USP3: variants seen among roughly 807,000 people sequenced by gnomAD.
The protein encoded by USP3 is ubiquitin specific peptidase 3.
In USP3, 20 loss-of-function variants were observed where a neutral mutation model predicts 72.3. That is an observed-to-expected ratio of 0.28 (90% confidence interval 0.19 to 0.40). The LOEUF (loss-of-function observed/expected upper bound fraction) is 0.40, where lower values mean the gene tolerates loss of function less well. Among genes scored for constraint, USP3 ranks in the 10% least tolerant of loss-of-function variants. The pLI, the probability that USP3 is intolerant of heterozygous loss-of-function variation, is 1.00. For synonymous variants in USP3, 222 were observed against 225.3 expected (o/e 0.99, Z 0.13); for missense variants, 479 against 633.9 (o/e 0.76, Z 2.62).
At chr15:63,542,270 G>A (rs1254953272) in intron 3 of USP3, 1 of 863,346 alleles carries the variant, frequency 1.2e-6, no homozygotes, top group East Asian at 1.2e-4. Context: ...AATGTGGCTA[G>A]TGTGAAGAAT....
In USP3 at chr15:63,591,897, A is replaced by G. The variant is rs564662126; in HGVS notation, c.*1071A>G. The G allele has an allele frequency of 7.2e-5, 11 of 151,896 alleles. No individual in the cohort carries two copies. The highest frequency in any genetic ancestry group is 2.7e-4 in the African/African-American group (11 of 41,160). The allele number at this position is 151,896 out of a possible 1,614,324, so 9.4% of individuals were successfully genotyped here. On this transcript the variant is annotated 3_prime_UTR_variant, in exon 15 of 15. Coordinates refer to ENST00000380324, the MANE Select transcript of USP3 (RefSeq NM_006537.4). The stretch of plus-strand genomic sequence containing the variant: ...GTTGAAAATACTGTTGGAGTAAGTA[A>G]GTGGAGTTTTCGTTTTGTTTTTTGG...
Position 63,594,514 on chromosome 15 carries a change from A to G in USP3, c.*3688A>G, listed in dbSNP as rs1046212274. 1 of 152,198 alleles carries G rather than the reference A, an allele frequency of 6.6e-6. No individual in the cohort carries two copies. Among genetic ancestry groups the G allele is most frequent in the African/African-American group, 2.4e-5 (1 of 41,428 alleles). The allele number at this position is 152,198 out of a possible 1,614,324, so 9.4% of individuals were successfully genotyped here. ...CATTTGCCATTAAAACCCAGTTTGT[A>G]TGATGCCAAGAGGATTAATTGTGCA... On this transcript the variant is annotated 3_prime_UTR_variant, in exon 15 of 15. Transcript: ENST00000380324.
rs982829301 is a variant in USP3 at position 63,574,496 on chromosome 15, C to A, written c.1096+93C>A. ...TATATGTGGTATCTTTAATTAATAT[C>A]TTTAATGAATCTGTGTTGTAACTTA... On this transcript the variant is annotated intron_variant, in intron 11 of 14. Coordinates refer to ENST00000380324, the MANE Select transcript of USP3 (RefSeq NM_006537.4). The surrounding 1 kb of genome is among the most constrained non-coding windows in gnomAD (Gnocchi z 4.6). The A allele has an allele frequency of 7.6e-6, 7 of 926,876 alleles. No homozygotes were observed. Among genetic ancestry groups the A allele is most frequent in the Non-Finnish European group, 9.3e-6 (6 of 646,758 alleles). The allele number at this position is 926,876 out of a possible 1,614,324, so 57.4% of individuals were successfully genotyped here.
At position 63,580,667 on chromosome 15, in the gene USP3, ATATGAAT is replaced by A. The variant is rs1331358259; in HGVS notation, c.1096+6265_1096+6271del. On this transcript the variant is annotated intron_variant, in intron 11 of 14. Transcript: ENST00000380324. ...ATATATATATGAATATATAATATAT[ATATGAAT>A]ATATAATATATATGCATATATACTT... is the stretch of plus-strand genomic sequence containing the variant. 7.9e-4 allele frequency among the ~76,000 whole-genome samples: 54 copies of A among 68,662 alleles called. 2 individuals carry two copies. The highest frequency in any genetic ancestry group is 2.6e-3 in the African/African-American group (42 of 16,190). 45.0% of individuals were successfully genotyped at this position (68,662 alleles called of 152,430 possible). A position where few individuals can be genotyped will look rare whatever the true frequency, so the allele number is the denominator to read the frequency against.
chr15:63,567,503 C>T (rs1291840256), intron 8 of USP3, among the ~76,000 whole-genome samples: 7 of 152,092 alleles, frequency 4.6e-5, no homozygotes, highest in African/African-American at 1.2e-4. Flanking sequence ...CCTGCAACCA[C>T]GCCCGGCTAA....
chr15:63,532,571 T>C (rs1247516295), intron 1 of USP3, 76 bp from the exon 2 acceptor site: 1 of 1,557,556 alleles, frequency 6.4e-7, no homozygotes, highest in Non-Finnish European at 8.9e-7. Context: ...ATTTATAACT[T>C]AATCACAGGA....
Position 63,578,279 on chromosome 15 carries a change from CAA to C in USP3, c.1096+3878_1096+3879del, listed in dbSNP as rs1468798256. Among the ~76,000 whole-genome samples, 56 of 150,402 alleles carry C rather than the reference CAA, an allele frequency of 3.7e-4. 1 individual carries two copies. The highest frequency in any genetic ancestry group is 2.8e-3 in the Admixed American group (43 of 15,112). On this transcript the variant is annotated intron_variant, in intron 11 of 14. Transcript: ENST00000380324. ...ACACAGTGACACTCTGTCTCAAAAA[CAA>C]AGAAAAGAAAAAACTTTTATTAGGA...
chr15:63,530,320 A>G (rs1017070107), intron 1 of USP3, among the ~76,000 whole-genome samples: 12 of 112,542 alleles, frequency 1.1e-4, no homozygotes, highest in African/African-American at 4.1e-4. Context: ...CATTCCTTAC[A>G]TCCATCTTTT....
intron 2 of USP3, among the ~76,000 whole-genome samples, 177 bp from the exon 3 acceptor site, chr15:63,536,848 C>T (rs531519025): frequency 8.0e-5 from 12 of 149,500 alleles, no homozygotes; most frequent in Admixed American, 2.0e-4. Context: ...AGCGAGACTC[C>T]GTCTCAAAAA....
At chr15:63,512,303 TCC>T (rs1491416627) in intron 1 of USP3, among the ~76,000 whole-genome samples, 3 of 146,910 alleles carry the variant, frequency 2.0e-5, no homozygotes, top group African/African-American at 7.8e-5. Flanking sequence ...TTCTTCTTCC[TCC>T]TCTTCTTCTT....
chr15:63,587,157 AAGTC>A (rs1044162006), intron 11 of USP3, among the ~76,000 whole-genome samples: 5 of 152,044 alleles, frequency 3.3e-5, no homozygotes, highest in Non-Finnish European at 7.4e-5. Context: ...AATGACATAA[AAGTC>A]AGGATAATGG....
intron 3 of USP3, chr15:63,551,471 G>T (rs2066435749): frequency 6.6e-6 from 1 of 151,698 alleles, no homozygotes; most frequent in African/African-American, 2.4e-5. Context: ...ATAACTCATG[G>T]TATCTGCATA....
At chr15:63,532,274 A>G (rs1375943215) in intron 1 of USP3, among the ~76,000 whole-genome samples, 10 of 152,228 alleles carry the variant, frequency 6.6e-5, no homozygotes, top group Admixed American at 2.6e-4. Flanking sequence ...CTACATGGCA[A>G]TGACATGTGA....
At chr15:63,562,850 T>G (rs201671218) in intron 7 of USP3, 45 bp from the exon 8 acceptor site, 1 of 1,293,880 alleles carries the variant, frequency 7.7e-7, no homozygotes, top group East Asian at 2.4e-5. Flanking sequence ...GTTGAAATTG[T>G]AGCCTCTCAC....
intron 3 of USP3, among the ~76,000 whole-genome samples, chr15:63,541,681 T>C (rs2066247235): frequency 6.6e-6 from 1 of 152,164 alleles, no homozygotes; most frequent in Admixed American, 6.5e-5. Flanking sequence ...AAAAATGCTC[T>C]TGCTTCCTAA....
chr15:63,584,022 G>T (rs957450731), intron 11 of USP3, among the ~76,000 whole-genome samples: 1 of 151,246 alleles, frequency 6.6e-6, no homozygotes, highest in Non-Finnish European at 1.5e-5. Context: ...TTAACTTTCG[G>T]AAGTACTGCC....
intron 1 of USP3, among the ~76,000 whole-genome samples, chr15:63,525,790 A>C (rs749509933): frequency 7.2e-5 from 11 of 152,290 alleles, no homozygotes; most frequent in Middle Eastern, 3.4e-3. Flanking sequence ...ATTTTTACTT[A>C]TATGTACTGG....
intron 1 of USP3, among the ~76,000 whole-genome samples, chr15:63,515,294 T>G (rs1427755465): frequency 2.0e-5 from 3 of 152,270 alleles, no homozygotes; most frequent in South Asian, 4.1e-4. Context: ...CAAATTTGTT[T>G]AGTGCATTAC....
In USP3 at chr15:63,553,629, C is replaced by A; in HGVS notation, c.285-86C>A. 7.9e-7 allele frequency: 1 copy of A among 1,269,812 alleles called. No homozygotes were observed. Among genetic ancestry groups the A allele is most frequent in the Non-Finnish European group, 1.1e-6 (1 of 926,198 alleles). 78.7% of individuals were successfully genotyped at this position (1,269,812 alleles called of 1,614,324 possible). On this transcript the variant is annotated intron_variant, in intron 3 of 14. Transcript: ENST00000380324. The surrounding 1 kb of genome is among the most constrained non-coding windows in gnomAD (Gnocchi z 4.2). ...ACTGCCTGCAGAGCCATGTGATCATCTTGGCAACAGCCAGACCTTTTAGTG... is the reference window on the plus strand; with the variant it reads ...ACTGCCTGCAGAGCCATGTGATCATATTGGCAACAGCCAGACCTTTTAGTG...
Sources: gnomAD v4.1 joint callset for allele counts (sites outside exome capture counted in the v4.1 genomes callset) on GRCh38, gnomAD v4.1.1 for gene constraint, Gnocchi (gnomAD v3.1) non-coding constraint, MANE v1.5 for transcripts, NCBI Gene and HGNC (gene_info 2026-07-23, HGNC 2026-07-21) for gene names.